The following ZNF599 variants were observed in gnomAD, a reference collection of about 807,000 sequenced individuals.
ZNF599 encodes the protein zinc finger protein 599.
ZNF599 carries 10 observed loss-of-function variants against 11.7 expected under a neutral mutation model. The ratio of observed to expected loss-of-function variants is 0.86; its 90% confidence interval spans 0.53 to 1.45. ZNF599 has a LOEUF of 1.45. Ranked by LOEUF, ZNF599 falls within the 40% of genes most tolerant of loss-of-function variation. ZNF599 has a pLI of 0.00. For missense variants in ZNF599, 688 were observed against 713.6 expected, an observed-to-expected ratio of 0.96 and a Z score of 0.41; for synonymous variants, 232 against 253.2, an observed-to-expected ratio of 0.92 and a Z score of 0.79.
intron 3 of ZNF599, chr19:34,764,898 A>G (rs2069132556): frequency 6.6e-6 from 1 of 152,186 alleles, no homozygotes; most frequent in East Asian, 1.9e-4. Context: ...ATTGCACCTC[A>G]GTACAAAAAT....
At chr19:34,773,503 T>C (rs184856753), upstream of ZNF599, among the ~76,000 whole-genome samples, 12 of 152,220 alleles carry the variant, frequency 7.9e-5, no homozygotes, top group Admixed American at 3.9e-4. Context: ...CGCCTTGACT[T>C]TCCTCCCTGT....
the ZNF599 span, among the ~76,000 whole-genome samples, chr19:34,806,764 A>G: frequency 8.1e-3 from 1,238 of 152,294 alleles, 15 homozygotes; most frequent in African/African-American, 0.029. Flanking sequence ...TCCTTGCCCA[A>G]GGGACTCTCC....
the ZNF599 span, among the ~76,000 whole-genome samples, chr19:34,797,117 T>C: frequency 6.6e-6 from 1 of 152,190 alleles, no homozygotes; most frequent in Non-Finnish European, 1.5e-5. Context: ...TCCAGCTTCA[T>C]CCATGTCCCT....
chr19:34,783,942 A>G, the ZNF599 span, among the ~76,000 whole-genome samples: 19,874 of 152,168 alleles, frequency 0.13, 1,377 homozygotes, highest in Middle Eastern at 0.2. Flanking sequence ...TAGGCTTTCC[A>G]CAATTCCCTC....
chr19:34,783,089 A>G, the ZNF599 span, among the ~76,000 whole-genome samples: 2 of 152,332 alleles, frequency 1.3e-5, no homozygotes, highest in East Asian at 3.9e-4. Context: ...TAGACACCAA[A>G]TGTACTCTGG....
chr19:34,780,344 C>T, the ZNF599 span, among the ~76,000 whole-genome samples: 12 of 151,750 alleles, frequency 7.9e-5, no homozygotes, highest in Non-Finnish European at 1.2e-4. Flanking sequence ...CCTGTCTCTA[C>T]AAAAAAATTA....
chr19:34,780,719 GGAAA>G, the ZNF599 span, among the ~76,000 whole-genome samples: 3 of 140,126 alleles, frequency 2.1e-5, no homozygotes, highest in Non-Finnish European at 4.6e-5. Context: ...AGAGAAAGAA[GGAAA>G]GAAAGAGAAA....
At chr19:34,789,148 T>A in the ZNF599 span, among the ~76,000 whole-genome samples, 1 of 152,190 alleles carries the variant, frequency 6.6e-6, no homozygotes, top group Non-Finnish European at 1.5e-5. Context: ...TTAGATTCCT[T>A]ATATGAGATC....
the ZNF599 span, among the ~76,000 whole-genome samples, chr19:34,804,096 C>A: frequency 5.9e-5 from 9 of 152,188 alleles, no homozygotes. Context: ...CTGGCTGTTT[C>A]ATCAGTCAAT....
chr19:34,767,535 C>T, intron 2 of ZNF599, 124 bp from the exon 3 acceptor site: 1 of 649,142 alleles, frequency 1.5e-6, no homozygotes, highest in South Asian at 2.3e-5. Flanking sequence ...CCTCCCCTGC[C>T]TCACCAAAAG....
chr19:34,785,079 AACTTCTGAT>A, the ZNF599 span, among the ~76,000 whole-genome samples: 20,041 of 150,776 alleles, frequency 0.13, 1,469 homozygotes, highest in South Asian at 0.23. Flanking sequence ...GCCAAAACCT[AACTTCTGAT>A]ACTTCTGATA....
At chr19:34,772,729 A>G in intron 1 of ZNF599, 95 bp downstream of exon 1, 1 of 1,528,674 alleles carries the variant, frequency 6.5e-7, no homozygotes, top group Non-Finnish European at 8.7e-7. Context: ...ATCAAAAGGG[A>G]GAAGCACAGA....
the ZNF599 span, among the ~76,000 whole-genome samples, chr19:34,797,887 A>G: frequency 2.4e-3 from 362 of 152,310 alleles, no homozygotes; most frequent in African/African-American, 8.4e-3. Context: ...GAGACCTAGA[A>G]GAGTCGTGGC....
At chr19:34,780,746 CAGAA>C in the ZNF599 span, among the ~76,000 whole-genome samples, 3 of 122,972 alleles carry the variant, frequency 2.4e-5, no homozygotes, top group African/African-American at 3.2e-5. Flanking sequence ...GAAAGAAAGC[CAGAA>C]AGAAAGAAAA....
At chr19:34,779,243 C>CTTTTTTTTTTT in the ZNF599 span, among the ~76,000 whole-genome samples, 2 of 57,310 alleles carry the variant, frequency 3.5e-5, no homozygotes, top group Non-Finnish European at 6.2e-5. Context: ...CCATGCCCAG[C>CTTTTTTTTTTT]TTTTTTTTTT....
chr19:34,777,792 G>A (rs893578962), upstream of ZNF599, among the ~76,000 whole-genome samples: 6 of 151,506 alleles, frequency 4.0e-5, no homozygotes, highest in Admixed American at 2.0e-4. Flanking sequence ...TAGAGGCAGA[G>A]AGCAAAATGG....
intron 1 of ZNF599, among the ~76,000 whole-genome samples, chr19:34,771,422 T>A (rs1320493914): frequency 6.6e-6 from 1 of 152,166 alleles, no homozygotes; most frequent in Non-Finnish European, 1.5e-5. Flanking sequence ...TTAAATAAGG[T>A]AATACACAGA....
upstream of ZNF599, among the ~76,000 whole-genome samples, chr19:34,776,422 C>T (rs1324934125): frequency 6.6e-6 from 1 of 152,200 alleles, no homozygotes; most frequent in Non-Finnish European, 1.5e-5. Flanking sequence ...AATAACAACA[C>T]TATTTATATA....
At chr19:34,779,104 T>C in the ZNF599 span, among the ~76,000 whole-genome samples, 14 of 152,048 alleles carry the variant, frequency 9.2e-5, no homozygotes, top group South Asian at 2.1e-4. Context: ...ACTTACATTT[T>C]TTTCAGTGGT....
Sources: allele counts gnomAD v4.1 joint callset (sites outside exome capture counted in the v4.1 genomes callset), GRCh38; gene constraint gnomAD v4.1.1; transcripts MANE v1.5; gene names NCBI Gene and HGNC (gene_info 2026-07-23, HGNC 2026-07-21).